The following PHF14 variants were observed in gnomAD, a reference collection of about 807,000 sequenced individuals.
PHF14 encodes PHD finger protein 14.
In PHF14, 55 loss-of-function variants were observed where a neutral mutation model predicts 117.9. The observed-to-expected ratio is 0.47, with a 90% CI of 0.38 to 0.58. The LOEUF is 0.58. Among genes scored for constraint, PHF14 ranks in the 20% least tolerant of loss-of-function variants. The pLI is 0.00. For missense variants in PHF14, 978 were observed against 1,122.2 expected (o/e 0.87, Z 1.84); for synonymous variants, 409 against 368.6 (o/e 1.11, Z -1.26).
At chr7:11,142,971 C>G (rs1788440638) in intron 17 of PHF14, among the ~76,000 whole-genome samples, 3 of 152,122 alleles carry the variant, frequency 2.0e-5, no homozygotes, top group Non-Finnish European at 4.4e-5. Flanking sequence ...CTGCTTATAT[C>G]TTGTTGTACA....
chr7:10,977,726 G>A (rs1485747250), intron 2 of PHF14, among the ~76,000 whole-genome samples: 1 of 152,090 alleles, frequency 6.6e-6, no homozygotes, highest in Non-Finnish European at 1.5e-5. Context: ...TGCATTATTA[G>A]AATTATGGTG....
chr7:11,056,108 C>T (rs1432055729), intron 14 of PHF14, among the ~76,000 whole-genome samples: 1 of 152,054 alleles, frequency 6.6e-6, no homozygotes, highest in Non-Finnish European at 1.5e-5. Flanking sequence ...CCCTGGCAAA[C>T]AGTTTTTGTA....
At chr7:11,013,185 G>A (rs146777286) in intron 4 of PHF14, among the ~76,000 whole-genome samples, 1 of 151,988 alleles carries the variant, frequency 6.6e-6, no homozygotes, top group African/African-American at 2.4e-5. Flanking sequence ...TTATGAGATG[G>A]AATTTTGCTC....
chr7:11,091,352 T>C (rs573653035), intron 16 of PHF14, among the ~76,000 whole-genome samples: 12 of 152,130 alleles, frequency 7.9e-5, no homozygotes, highest in Admixed American at 2.6e-4. Context: ...AAAAGATGAG[T>C]TGGCTATATT....
intron 4 of PHF14, among the ~76,000 whole-genome samples, chr7:11,011,328 C>T (rs543403368): frequency 6.6e-6 from 1 of 152,102 alleles, no homozygotes; most frequent in African/African-American, 2.4e-5. Context: ...AGGTCACGCT[C>T]CAATTTAGGC....
intron 13 of PHF14, among the ~76,000 whole-genome samples, chr7:11,050,177 A>T (rs977263946): frequency 6.6e-6 from 1 of 152,212 alleles, no homozygotes; most frequent in African/African-American, 2.4e-5. Flanking sequence ...TATTAGTTTA[A>T]TAAGTTCACA....
intron 16 of PHF14, among the ~76,000 whole-genome samples, chr7:11,075,587 T>TA (rs1785813764): frequency 1.5e-5 from 2 of 131,634 alleles, no homozygotes; most frequent in Non-Finnish European, 3.3e-5. Flanking sequence ...TTTTTTTTTT[T>TA]TTTATTATTA....
chr7:11,084,777 T>C (rs957779332), intron 16 of PHF14, among the ~76,000 whole-genome samples: 2 of 152,178 alleles, frequency 1.3e-5, no homozygotes, highest in African/African-American at 2.4e-5. Flanking sequence ...TTTGTCAATT[T>C]GATGGATGAA....
chr7:11,104,340 A>T (rs1366352336), intron 16 of PHF14: 1 of 975,390 alleles, frequency 1.0e-6, no homozygotes, highest in African/African-American at 1.8e-5. Flanking sequence ...CAAAAAGTAT[A>T]GTTGAAGTAA....
rs60418788 is a variant in PHF14 at position 11,069,823 on chromosome 7, C to T, written c.2654+7738C>T. 5.9e-3 allele frequency among the ~76,000 whole-genome samples: 893 copies of T among 151,742 alleles called. 8 individuals carry two copies. Among genetic ancestry groups the T allele is most frequent in the African/African-American group, 0.021 (852 of 41,346 alleles). ...CCACCGTGGCTTGGTATTACCACCACACCACCATGCCCAGCTGTTCTATTA... is the reference window on the plus strand; with the variant it reads ...CCACCGTGGCTTGGTATTACCACCATACCACCATGCCCAGCTGTTCTATTA... On this transcript the variant is annotated intron_variant, in intron 16 of 17. Coordinates refer to ENST00000634607, the MANE Select transcript of PHF14 (RefSeq NM_001007157.2).
At position 11,130,411 on chromosome 7, in the gene PHF14, G is replaced by A. The variant is rs1583489202; in HGVS notation, c.2772+18944G>A. 6.6e-6 allele frequency among the ~76,000 whole-genome samples: 1 copy of A among 152,064 alleles called. No homozygotes were observed. Among genetic ancestry groups the A allele is most frequent in the East Asian group, 1.9e-4 (1 of 5,172 alleles). Reference sequence around the variant, plus strand: ...TATATGGGGGAAACTGCATAATAGTGTGAAATGTAATGGTAGTAGTAATAG... The same window carrying A: ...TATATGGGGGAAACTGCATAATAGTATGAAATGTAATGGTAGTAGTAATAG... On this transcript the variant is annotated intron_variant, in intron 17 of 17. Transcript: ENST00000634607. This position sits in a 1 kb window ranked among gnomAD's most constrained non-coding sequence, Gnocchi z 4.2.
chr7:11,158,015 C>T (rs983886476), intron 17 of PHF14, among the ~76,000 whole-genome samples: 1 of 151,906 alleles, frequency 6.6e-6, no homozygotes, highest in African/African-American at 2.4e-5. Context: ...TCTGATATAC[C>T]CTTTACCCAG....
intron 4 of PHF14, among the ~76,000 whole-genome samples, chr7:10,991,787 A>C (rs1208051394): frequency 6.6e-5 from 7 of 106,272 alleles, no homozygotes; most frequent in African/African-American, 2.6e-4. Context: ...TGGTAGAGAC[A>C]GGGTTTTGCT....
intron 17 of PHF14, among the ~76,000 whole-genome samples, chr7:11,134,996 A>C (rs1216721487): frequency 6.6e-6 from 1 of 152,050 alleles, no homozygotes; most frequent in African/African-American, 2.4e-5. Flanking sequence ...CTTTTTCTTC[A>C]CTTGACAGAC....
intron 16 of PHF14, chr7:11,105,520 C>A (rs1787227396): frequency 1.0e-6 from 1 of 978,898 alleles, no homozygotes; most frequent in African/African-American, 1.8e-5. Context: ...ATATTTACAT[C>A]ATTAAATTTT....
intron 17 of PHF14, among the ~76,000 whole-genome samples, chr7:11,154,539 A>C (rs1181836564): frequency 6.6e-6 from 1 of 152,198 alleles, no homozygotes; most frequent in East Asian, 1.9e-4. Flanking sequence ...TTAGTCTTCT[A>C]AATAATAGTC....
At chr7:11,096,764 T>A (rs1321331082) in intron 16 of PHF14, among the ~76,000 whole-genome samples, 3 of 152,150 alleles carry the variant, frequency 2.0e-5, no homozygotes, top group Non-Finnish European at 4.4e-5. Flanking sequence ...CACAGGACAG[T>A]CATGGTGATT....
intron 17 of PHF14, among the ~76,000 whole-genome samples, chr7:11,142,683 G>C (rs929744380): frequency 1.3e-5 from 2 of 151,934 alleles, no homozygotes; most frequent in Admixed American, 6.6e-5. Flanking sequence ...AGGTTTCATA[G>C]GGGAAAAAAT....
intron 16 of PHF14, among the ~76,000 whole-genome samples, chr7:11,075,995 C>G (rs555521600): frequency 6.6e-6 from 1 of 152,020 alleles, no homozygotes; most frequent in East Asian, 1.9e-4. Context: ...AAAAATTAGC[C>G]GGGCATGGTG....
Sources: gnomAD v4.1 joint callset for allele counts (sites outside exome capture counted in the v4.1 genomes callset) on GRCh38, gnomAD v4.1.1 for gene constraint, Gnocchi (gnomAD v3.1) non-coding constraint, MANE v1.5 for transcripts, NCBI Gene and HGNC (gene_info 2026-07-23, HGNC 2026-07-21) for gene names.